PLXDC2: variants seen among roughly 807,000 people sequenced by gnomAD.
PLXDC2 encodes plexin domain containing 2.
In PLXDC2, 40 loss-of-function variants were observed where a neutral mutation model predicts 68.9. The ratio of observed to expected loss-of-function variants is 0.58; its 90% CI spans 0.45 to 0.76. The LOEUF (loss-of-function observed/expected upper bound fraction) is 0.76. Among genes scored for constraint, PLXDC2 ranks in the 30% least tolerant of loss-of-function variants. The probability of loss-of-function intolerance (pLI) is 0.00; values close to 1 mark genes in which losing one functional copy is unlikely to be tolerated. For synonymous variants in PLXDC2, 243 were observed against 234.2 expected (o/e 1.04, Z -0.34); for missense variants, 644 against 661.9 (o/e 0.97, Z 0.30).
At chr10:19,956,156 T>G (rs758819932) in intron 1 of PLXDC2, among the ~76,000 whole-genome samples, 1 of 152,212 alleles carries the variant, frequency 6.6e-6, no homozygotes, top group Non-Finnish European at 1.5e-5. Context: ...TTCTTGAAAC[T>G]ATAAATACTT....
At chr10:19,821,157 A>G (rs117652384) in intron 1 of PLXDC2, among the ~76,000 whole-genome samples, 25 of 152,324 alleles carry the variant, frequency 1.6e-4, no homozygotes, top group Non-Finnish European at 3.1e-4. Flanking sequence ...TCACATTAAT[A>G]CAGTCTCTTC....
chr10:20,180,744 G>A (rs1026826832), intron 9 of PLXDC2, among the ~76,000 whole-genome samples: 3 of 151,996 alleles, frequency 2.0e-5, no homozygotes, highest in African/African-American at 7.2e-5. Context: ...CAAAATGTTT[G>A]CAATGGCTTT....
At chr10:20,232,384 A>C (rs1469381113) in intron 12 of PLXDC2, among the ~76,000 whole-genome samples, 1 of 150,882 alleles carries the variant, frequency 6.6e-6, no homozygotes, top group African/African-American at 2.4e-5. Context: ...AAACATGTCC[A>C]CACACACACA....
chr10:20,271,244 C>A (rs117036821), intron 13 of PLXDC2, among the ~76,000 whole-genome samples: 2,680 of 151,888 alleles, frequency 0.018, 33 homozygotes, highest in Non-Finnish European at 0.024. Flanking sequence ...AGACAGGCAG[C>A]AGTGTAAAGT....
intron 4 of PLXDC2, among the ~76,000 whole-genome samples, chr10:20,102,637 A>C (rs1253791963): frequency 6.6e-6 from 1 of 152,210 alleles, no homozygotes; most frequent in Non-Finnish European, 1.5e-5. Context: ...GGCTTGAGCA[A>C]CTGAGCAAAT....
intron 2 of PLXDC2, among the ~76,000 whole-genome samples, chr10:20,037,118 T>A (rs952048335): frequency 2.0e-5 from 3 of 152,174 alleles, no homozygotes; most frequent in South Asian, 2.1e-4. Flanking sequence ...CTATACAGAC[T>A]AAAGCCTGAA....
chr10:20,125,037 C>T (rs1044356065), intron 4 of PLXDC2, among the ~76,000 whole-genome samples: 6 of 152,098 alleles, frequency 3.9e-5, no homozygotes, highest in African/African-American at 1.2e-4. Context: ...ATAAATATTG[C>T]AGTTGGCATT....
intron 1 of PLXDC2, among the ~76,000 whole-genome samples, chr10:19,875,015 G>A (rs1837607383): frequency 6.6e-6 from 1 of 152,220 alleles, no homozygotes; most frequent in East Asian, 1.9e-4. Flanking sequence ...ATGATTCATC[G>A]AAATGACTTC....
chr10:20,099,122 A>G (rs1833389287), intron 4 of PLXDC2, among the ~76,000 whole-genome samples: 1 of 152,176 alleles, frequency 6.6e-6, no homozygotes, highest in Non-Finnish European at 1.5e-5. Flanking sequence ...ACATAAACCC[A>G]TGTATGTTTA....
intron 10 of PLXDC2, among the ~76,000 whole-genome samples, chr10:20,213,921 C>T (rs1835102470): frequency 6.6e-6 from 1 of 151,962 alleles, no homozygotes; most frequent in South Asian, 2.1e-4. Context: ...TATTTTTAAA[C>T]CTCTATTATA....
At chr10:20,038,666 G>T (rs548713958) in intron 2 of PLXDC2, among the ~76,000 whole-genome samples, 1 of 152,086 alleles carries the variant, frequency 6.6e-6, no homozygotes, top group Non-Finnish European at 1.5e-5. Flanking sequence ...CTGTTCTTAG[G>T]CTTTTCAAAT....
chr10:20,188,080 TCCC>T (rs887458854), intron 9 of PLXDC2, among the ~76,000 whole-genome samples: 1 of 151,304 alleles, frequency 6.6e-6, no homozygotes, highest in Admixed American at 6.6e-5. Context: ...TTGACTCGTT[TCCC>T]CCCAACTCAT....
intron 2 of PLXDC2, among the ~76,000 whole-genome samples, chr10:20,023,441 C>T (rs1835347547): frequency 6.6e-6 from 1 of 152,056 alleles, no homozygotes. Flanking sequence ...GAGGTGGGGC[C>T]TAATAAGAGG....
chr10:19,959,538 T>C (rs1834122766), intron 1 of PLXDC2, among the ~76,000 whole-genome samples: 1 of 152,118 alleles, frequency 6.6e-6, no homozygotes, highest in Non-Finnish European at 1.5e-5. Flanking sequence ...GTGTTAAGAG[T>C]TCATATCTTA....
intron 1 of PLXDC2, among the ~76,000 whole-genome samples, chr10:19,922,019 C>T (rs937005277): frequency 5.9e-5 from 9 of 152,130 alleles, no homozygotes; most frequent in South Asian, 4.1e-4. Context: ...CCACCATGCC[C>T]GACTAATTTT....
At chr10:19,861,989 A>G (rs1837328026) in intron 1 of PLXDC2, among the ~76,000 whole-genome samples, 1 of 152,190 alleles carries the variant, frequency 6.6e-6, no homozygotes, top group Non-Finnish European at 1.5e-5. Flanking sequence ...TCATTTTCCT[A>G]AACTCTAAAT....
At chr10:20,074,458 T>C (rs1836400054) in intron 4 of PLXDC2, among the ~76,000 whole-genome samples, 1 of 152,124 alleles carries the variant, frequency 6.6e-6, no homozygotes, top group Non-Finnish European at 1.5e-5. Context: ...TGAGGTATGG[T>C]ATATTAAAAT....
intron 9 of PLXDC2, among the ~76,000 whole-genome samples, chr10:20,181,368 A>G (rs1488712418): frequency 1.3e-5 from 2 of 152,070 alleles, no homozygotes; most frequent in Non-Finnish European, 2.9e-5. Context: ...TTTAATCAAA[A>G]CCATAACTCT....
chr10:19,945,450 G>A (rs1833886671), intron 1 of PLXDC2, among the ~76,000 whole-genome samples: 1 of 152,198 alleles, frequency 6.6e-6, no homozygotes, highest in Non-Finnish European at 1.5e-5. Flanking sequence ...TTTGGAATTG[G>A]ATACCATCCT....
Sources: allele counts gnomAD v4.1 joint callset (sites outside exome capture counted in the v4.1 genomes callset), GRCh38; gene constraint gnomAD v4.1.1; transcripts MANE v1.5; gene names NCBI Gene and HGNC (gene_info 2026-07-23, HGNC 2026-07-21).